The following CFAP69 variants were observed in gnomAD, a reference collection of about 807,000 sequenced individuals.
The protein encoded by CFAP69 is cilia- and flagella-associated protein 69.
In CFAP69, 92 loss-of-function variants were observed where a neutral mutation model predicts 123.0. The ratio of observed to expected loss-of-function variants is 0.75; its 90% CI spans 0.63 to 0.89. The LOEUF (loss-of-function observed/expected upper bound fraction) is 0.89, where lower values mean the gene tolerates loss of function less well. Ranked by LOEUF, CFAP69 falls within the 40% of genes least tolerant of loss-of-function variation. The pLI is 0.00. For missense variants in CFAP69, 1,067 were observed against 1,096.9 expected (o/e 0.97, Z 0.39); for synonymous variants, 380 against 364.3 (o/e 1.04, Z -0.49).
chr7:90,276,887 T>C (rs1788689444), intron 9 of CFAP69, among the ~76,000 whole-genome samples, 186 bp from the exon 10 acceptor site: 1 of 152,186 alleles, frequency 6.6e-6, no homozygotes, highest in African/African-American at 2.4e-5. Flanking sequence ...TAATTTTAAA[T>C]AAGCTTATCT....
chr7:90,314,459 C>CA (rs892796203), downstream of CFAP69, among the ~76,000 whole-genome samples: 48 of 151,872 alleles, frequency 3.2e-4, no homozygotes, highest in African/African-American at 1.1e-3. Context: ...CCTGACTCTA[C>CA]AAAAAAATAC....
At position 90,255,422 on chromosome 7, in the gene CFAP69, G is replaced by T; in HGVS notation, c.121-1G>T. ...AATAGTAAGAGTTGTATGTTTTTTA[G>T]GATGTTTTCAAGCCTATGGACCTTA... On this transcript the variant is annotated splice_acceptor_variant, in intron 1 of 22. Transcript: ENST00000389297. LOFTEE classifies it high-confidence loss of function. 1 of 1,610,632 alleles carries T rather than the reference G, an allele frequency of 6.2e-7. No homozygotes were observed. Among genetic ancestry groups the T allele is most frequent in the South Asian group, 1.1e-5 (1 of 90,856 alleles).
At chr7:90,265,953 T>C (rs1407089847) in intron 5 of CFAP69, 1 of 152,122 alleles carries the variant, frequency 6.6e-6, no homozygotes, top group Admixed American at 6.5e-5. Flanking sequence ...GGAAACTAGA[T>C]CAGGGAAACA....
At chr7:90,316,538 A>G in the CFAP69 span, 1 of 152,214 alleles carries the variant, frequency 6.6e-6, no homozygotes, top group African/African-American at 2.4e-5. Flanking sequence ...TCTGTGAGTC[A>G]AAGATTACGT....
At position 90,286,190 on chromosome 7, in the gene CFAP69, T is replaced by C. The variant is rs946452438; in HGVS notation, c.1538-91T>C. 12 of 1,094,818 alleles carry C rather than the reference T, an allele frequency of 1.1e-5. No homozygotes were observed. The African/African-American group carries it at 1.9e-4, about 18-fold the overall frequency. The allele number at this position is 1,094,818 out of a possible 1,614,324, so 67.8% of individuals were successfully genotyped here. On this transcript the variant is annotated intron_variant, in intron 13 of 22. Transcript: ENST00000389297. ...TAAAATAAAAGTTTCTCTAGCCAAA[T>C]AAACTTTTTAGAAGAGATTTCCAAA...
downstream of CFAP69, chr7:90,312,413 G>T (rs1338296115): frequency 2.0e-5 from 3 of 152,176 alleles, no homozygotes; most frequent in African/African-American, 7.2e-5. Context: ...GTCTCAGATT[G>T]ATTAGGACTG....
At chr7:90,272,650 C>T (rs1376119211) in intron 8 of CFAP69, among the ~76,000 whole-genome samples, 1 of 152,058 alleles carries the variant, frequency 6.6e-6, no homozygotes, top group African/African-American at 2.4e-5. Flanking sequence ...AAACTGGTTT[C>T]ATGTGCAGCT....
chr7:90,309,554 T>A (rs967092562), intron 22 of CFAP69, among the ~76,000 whole-genome samples, 187 bp downstream of exon 22: 8 of 151,592 alleles, frequency 5.3e-5, no homozygotes, highest in Admixed American at 6.6e-5. Flanking sequence ...GTTAAAAAAA[T>A]TAATAAAAAA....
At chr7:90,314,940 C>T (rs763079669), downstream of CFAP69, among the ~76,000 whole-genome samples, 4 of 148,470 alleles carry the variant, frequency 2.7e-5, no homozygotes, top group Non-Finnish European at 6.0e-5. Context: ...AAAAAGTGGG[C>T]AAAGGACATG....
intron 21 of CFAP69, among the ~76,000 whole-genome samples, chr7:90,308,453 A>G (rs1224529444): frequency 6.6e-6 from 1 of 152,148 alleles, no homozygotes; most frequent in South Asian, 2.1e-4. Flanking sequence ...ACCCTTTTCC[A>G]TTAATATCTT....
chr7:90,281,859 T>C (rs1789541733), intron 12 of CFAP69, among the ~76,000 whole-genome samples: 1 of 152,122 alleles, frequency 6.6e-6, no homozygotes, highest in Admixed American at 6.5e-5. Context: ...TGACTGATAA[T>C]AGATTAGAAT....
rs750863763 is a variant in CFAP69 at position 90,277,332 on chromosome 7, C to G, written c.1153C>G (p.Gln385Glu). The G allele has an allele frequency of 3.2e-6, 5 of 1,542,950 alleles. No individual in the cohort carries two copies. In the Admixed American group the frequency reaches 1.1e-4, roughly 34 times the overall value. The change falls in exon 11 of 23, where the codon CAG (glutamine) becomes GAG (glutamate). Residue 385 changes from glutamine to glutamate, a missense_variant and splice_region_variant. Transcript: ENST00000389297. ...CTTATGTAAAGATTTACCTACTGTA[C>G]AGGTAAAGAGTAATCAAGGCAGGAA... ...VILCKDLPTVQLLIDGKVILA... is the reference protein window; with the variant it reads ...VILCKDLPTVELLIDGKVILA...
chr7:90,286,810 G>C (rs923713249), intron 14 of CFAP69, among the ~76,000 whole-genome samples: 1 of 152,058 alleles, frequency 6.6e-6, no homozygotes, highest in South Asian at 2.1e-4. Flanking sequence ...CATGTTGGCC[G>C]GGCATGGTGG....
Position 90,288,354 on chromosome 7 carries a change from T to C in CFAP69, c.1775+2T>C. The C allele has an allele frequency of 6.2e-7, 1 of 1,609,596 alleles. No individual in the cohort carries two copies. ...TTTTAGTACATTGGACAGCATTTGG[T>C]GAGTATTGCTATAATCAAATTAGGT... On this transcript the variant is annotated splice_donor_variant, in intron 15 of 22. Transcript: ENST00000389297. LOFTEE classifies it high-confidence loss of function.
chr7:90,253,671 G>A (rs767391272), intron 1 of CFAP69, among the ~76,000 whole-genome samples: 3 of 152,278 alleles, frequency 2.0e-5, no homozygotes, highest in Non-Finnish European at 2.9e-5. Context: ...GATTATAGGC[G>A]TGAGCCATCA....
In CFAP69 at chr7:90,310,292, A is replaced by G; in HGVS notation, c.*54A>G. On this transcript the variant is annotated 3_prime_UTR_variant, in exon 23 of 23. Coordinates refer to ENST00000389297, the MANE Select transcript of CFAP69 (RefSeq NM_001039706.3). ...TCAGCTTATAATTTTTTAGCTGAAT[A>G]TATCTTTATACATATGTAAAGCCAA... 1.5e-6 allele frequency: 2 copies of G among 1,292,500 alleles called. No homozygotes were observed. The highest frequency in any genetic ancestry group is 5.1e-5 in the East Asian group (2 of 39,452). 80.1% of individuals were successfully genotyped at this position (1,292,500 alleles called of 1,614,324 possible). A position where few individuals can be genotyped will look rare whatever the true frequency, so the allele number is the denominator to read the frequency against.
chr7:90,304,010 A>G lies in CFAP69; in HGVS notation c.2092A>G (p.Lys698Glu). 3 of 1,551,200 alleles carry G rather than the reference A, an allele frequency of 1.9e-6. No homozygotes were observed. Among genetic ancestry groups the G allele is most frequent in the Non-Finnish European group, 2.6e-6 (3 of 1,146,720 alleles). ...ATTTACTAGCTTTCAAGAAGAGCAA[A>G]AAATCATCCCACTGCCTGCTAACTG... ...PLFTSFQEEQ[K>E]IIPLPANCPS... is the part of the protein sequence containing the mutation. Residue 698 changes from lysine (K) to glutamate (E), a missense_variant, in exon 18 of 23, where the codon AAA (lysine) becomes GAA (glutamate). Coordinates refer to ENST00000389297, the MANE Select transcript of CFAP69 (RefSeq NM_001039706.3).
intron 1 of CFAP69, among the ~76,000 whole-genome samples, chr7:90,249,612 G>A (rs1053868041): frequency 6.6e-6 from 1 of 152,130 alleles, no homozygotes; most frequent in African/African-American, 2.4e-5. Flanking sequence ...ATCATATGTT[G>A]AAATCACAAG....
At chr7:90,307,974 T>G in intron 21 of CFAP69, 120 bp downstream of exon 21, 1 of 569,742 alleles carries the variant, frequency 1.8e-6, no homozygotes, top group South Asian at 2.5e-5. Context: ...ATACCAGCAC[T>G]ATTAGATGCT....
Sources: allele counts gnomAD v4.1 joint callset (sites outside exome capture counted in the v4.1 genomes callset), GRCh38; gene constraint gnomAD v4.1.1; transcripts MANE v1.5; gene names NCBI Gene and HGNC (gene_info 2026-07-23, HGNC 2026-07-21).